Variants in QTGAL observed in about 807,000 individuals in gnomAD.
QTGAL encodes the protein BGnT-like protein 1.
the QTGAL span, among the ~76,000 whole-genome samples, chr17:83,044,246 T>C: frequency 1.3e-5 from 2 of 152,150 alleles, no homozygotes; most frequent in Non-Finnish European, 2.9e-5. Flanking sequence ...AACAACATAC[T>C]AGCAAACTGA....
chr17:83,028,754 T>C, the QTGAL span, among the ~76,000 whole-genome samples: 2 of 152,158 alleles, frequency 1.3e-5, no homozygotes, highest in Non-Finnish European at 2.9e-5. Context: ...CCCTCTGATG[T>C]GCCAATTCCA....
chr17:82,960,266 T>G, the QTGAL span: 2 of 152,158 alleles, frequency 1.3e-5, no homozygotes, highest in Non-Finnish European at 2.9e-5. Flanking sequence ...GCCGAGAGTC[T>G]CAACCCCATC....
the QTGAL span, among the ~76,000 whole-genome samples, chr17:83,002,528 G>A: frequency 6.6e-6 from 1 of 152,186 alleles, no homozygotes; most frequent in Non-Finnish European, 1.5e-5. Context: ...CCGCTAGCTC[G>A]TACAGGGAAG....
At chr17:82,961,001 C>A in the QTGAL span, 1 of 1,561,710 alleles carries the variant, frequency 6.4e-7, no homozygotes, top group Non-Finnish European at 8.7e-7. Context: ...CGACCTCGGG[C>A]GCCTCCCGTG....
the QTGAL span, chr17:82,961,065 G>C: frequency 1.2e-6 from 2 of 1,609,232 alleles, no homozygotes; most frequent in Non-Finnish European, 1.7e-6. Flanking sequence ...ACTCGAGGAC[G>C]CAGTGCGTGG....
chr17:83,020,212 AC>A, the QTGAL span, among the ~76,000 whole-genome samples: 1 of 152,170 alleles, frequency 6.6e-6, no homozygotes, highest in Non-Finnish European at 1.5e-5. Context: ...AAGAAGAAAA[AC>A]CAAAGCGATA....
At chr17:83,028,483 C>T in the QTGAL span, among the ~76,000 whole-genome samples, 1 of 147,996 alleles carries the variant, frequency 6.8e-6, no homozygotes, top group Non-Finnish European at 1.5e-5. Context: ...CGAGATTGCG[C>T]CACTGCACTC....
At chr17:83,041,906 A>C in the QTGAL span, among the ~76,000 whole-genome samples, 1 of 152,370 alleles carries the variant, frequency 6.6e-6, no homozygotes, top group African/African-American at 2.4e-5. Context: ...AGATTCTAAG[A>C]TAAACAAAAA....
At chr17:82,994,512 A>G in the QTGAL span, among the ~76,000 whole-genome samples, 2 of 152,158 alleles carry the variant, frequency 1.3e-5, no homozygotes, top group African/African-American at 4.8e-5. Context: ...AAAATCCAAA[A>G]CCTAAATAGA....
chr17:83,017,270 G>A, the QTGAL span, among the ~76,000 whole-genome samples: 2 of 152,186 alleles, frequency 1.3e-5, no homozygotes, highest in East Asian at 1.9e-4. Flanking sequence ...TCTAGTGTTC[G>A]ATAGCACAAT....
the QTGAL span, chr17:83,006,714 G>A: frequency 1.4e-5 from 14 of 985,450 alleles, no homozygotes; most frequent in South Asian, 9.4e-5. This position sits in a 1 kb window ranked among gnomAD's most constrained non-coding sequence, Gnocchi z 5.8. Context: ...CCCGGCTTTC[G>A]CACTGCTCCT....
chr17:83,005,717 G>C, the QTGAL span: 1,333 of 732,300 alleles, frequency 1.8e-3, 4 homozygotes, highest in Middle Eastern at 7.4e-3. This position sits in a 1 kb window ranked among gnomAD's most constrained non-coding sequence, Gnocchi z 5.6. Context: ...CTCCAGGGCC[G>C]ACAACCCTCT....
At chr17:83,051,730 C>T in the QTGAL span, 3 of 1,494,512 alleles carry the variant, frequency 2.0e-6, no homozygotes, top group Non-Finnish European at 2.7e-6. Flanking sequence ...TCCCCGCTGG[C>T]ACCTACCACG....
chr17:82,982,486 T>G, the QTGAL span, among the ~76,000 whole-genome samples: 102,566 of 141,582 alleles, frequency 0.72, 34,981 homozygotes, highest in East Asian at 0.82. Flanking sequence ...GGAGATCCTC[T>G]TCCCTCCCGC....
the QTGAL span, among the ~76,000 whole-genome samples, chr17:83,012,524 C>T: frequency 2.6e-5 from 4 of 152,224 alleles, no homozygotes; most frequent in Non-Finnish European, 2.9e-5. Context: ...ACCTCACATA[C>T]GGACGGCTCA....
the QTGAL span, among the ~76,000 whole-genome samples, chr17:83,027,395 G>A: frequency 6.6e-6 from 1 of 152,206 alleles, no homozygotes; most frequent in Non-Finnish European, 1.5e-5. Context: ...AAGAGACGTC[G>A]ATAGGACAGT....
the QTGAL span, among the ~76,000 whole-genome samples, chr17:82,963,181 A>G: frequency 1.3e-5 from 2 of 152,194 alleles, no homozygotes. Flanking sequence ...AACTGCCTGG[A>G]GGAGAAAAGC....
At chr17:83,020,703 T>G in the QTGAL span, among the ~76,000 whole-genome samples, 1 of 152,240 alleles carries the variant, frequency 6.6e-6, no homozygotes, top group Admixed American at 6.5e-5. Flanking sequence ...AACCAGCGTC[T>G]CAAAGAGTTA....
the QTGAL span, among the ~76,000 whole-genome samples, chr17:82,991,830 T>G: frequency 6.6e-6 from 1 of 152,164 alleles, no homozygotes; most frequent in Non-Finnish European, 1.5e-5. Context: ...CAGAAGGTAT[T>G]CGGAATTCTA....
Sources: gnomAD v4.1 joint callset for allele counts (sites outside exome capture counted in the v4.1 genomes callset) on GRCh38, gnomAD v4.1.1 for gene constraint, Gnocchi (gnomAD v3.1) non-coding constraint, MANE v1.5 for transcripts, NCBI Gene and HGNC (gene_info 2026-07-23, HGNC 2026-07-21) for gene names.